The following ZNF385D variants were observed in gnomAD, a reference collection of about 807,000 sequenced individuals.
ZNF385D encodes zinc finger protein 385D.
Under a neutral mutation model 35.8 loss-of-function variants are expected in ZNF385D, and 15 were observed. The observed-to-expected ratio is 0.42, with a 90% confidence interval of 0.28 to 0.64. The LOEUF (loss-of-function observed/expected upper bound fraction) is 0.64. Among genes scored for constraint, ZNF385D ranks in the 30% least tolerant of loss-of-function variants. ZNF385D has a pLI of 0.23. For missense variants in ZNF385D, 474 were observed against 494.6 expected (o/e 0.96, Z 0.39); for synonymous variants, 212 against 186.8 (o/e 1.13, Z -1.10).
intron 1 of ZNF385D, among the ~76,000 whole-genome samples, chr3:21,674,452 T>C (rs978681596): frequency 1.1e-4 from 16 of 152,220 alleles, no homozygotes; most frequent in African/African-American, 3.9e-4. Context: ...CTAATAAAAC[T>C]CACTTTTGGA....
At chr3:21,488,114 T>C (rs954459476) in intron 4 of ZNF385D, among the ~76,000 whole-genome samples, 2 of 151,064 alleles carry the variant, frequency 1.3e-5, no homozygotes, top group Non-Finnish European at 3.0e-5. Flanking sequence ...TTTGGATATA[T>C]TTTTTTTTAA....
intron 2 of ZNF385D, among the ~76,000 whole-genome samples, chr3:22,329,283 A>G (rs1307613584): frequency 6.6e-6 from 1 of 152,068 alleles, no homozygotes; most frequent in East Asian, 1.9e-4. Context: ...TTTCTTGAGT[A>G]ACAATTTGGT....
intron 3 of ZNF385D, among the ~76,000 whole-genome samples, chr3:21,889,057 T>TAC (rs1698701725): frequency 3.3e-5 from 5 of 152,194 alleles, no homozygotes; most frequent in Admixed American, 2.6e-4. Flanking sequence ...TTATGAGATG[T>TAC]ACAGTAAGGA....
At chr3:21,478,895 G>A (rs932708265) in intron 4 of ZNF385D, among the ~76,000 whole-genome samples, 2 of 152,014 alleles carry the variant, frequency 1.3e-5, no homozygotes, top group Admixed American at 1.3e-4. Flanking sequence ...AAATTTGGAG[G>A]AGAAGGGAAT....
chr3:21,630,638 T>C (rs888830757), intron 2 of ZNF385D, among the ~76,000 whole-genome samples: 1 of 152,110 alleles, frequency 6.6e-6, no homozygotes, highest in Non-Finnish European at 1.5e-5. Context: ...ATCTGTAAAA[T>C]AGAAACATGG....
chr3:21,621,865 CTG>C (rs10580512), intron 2 of ZNF385D, among the ~76,000 whole-genome samples: 42,535 of 145,910 alleles, frequency 0.29, 6,165 homozygotes, highest in Non-Finnish European at 0.35. Flanking sequence ...CCTGTTACCA[CTG>C]TGTGTGTGTG....
chr3:22,152,346 CG>C (rs1186140807), intron 3 of ZNF385D, among the ~76,000 whole-genome samples: 4 of 152,096 alleles, frequency 2.6e-5, no homozygotes, highest in Admixed American at 2.0e-4. Flanking sequence ...AGGAAAATGA[CG>C]GTATCTGTAT....
intron 3 of ZNF385D, among the ~76,000 whole-genome samples, chr3:21,830,714 G>C (rs73144847): frequency 0.053 from 8,000 of 152,200 alleles, 725 homozygotes; most frequent in African/African-American, 0.18. Flanking sequence ...AGTGTTCCTT[G>C]TTGTGATTTC....
chr3:22,292,802 T>C (rs759839517), intron 2 of ZNF385D, among the ~76,000 whole-genome samples: 2 of 152,120 alleles, frequency 1.3e-5, no homozygotes, highest in Non-Finnish European at 2.9e-5. Context: ...TATCTACTTA[T>C]ATTACTTTCT....
rs188781213 is a variant in ZNF385D, at chr3:22,283,714, G to A, written c.106+88736C>T. ...GAAGGTGGTTGTGAGAAGAAACTGA[G>A]TTAATAAATGTGTGATGTGCTCAGT... On this transcript the variant is annotated intron_variant, in intron 2 of 5. Transcript: ENST00000494108. Among the ~76,000 whole-genome samples the A allele has an allele frequency of 1.4e-4, 21 of 152,238 alleles. No homozygotes were observed. The East Asian group carries it at 3.3e-3, about 24-fold the overall frequency.
chr3:22,231,047 A>T (rs2125297614), intron 2 of ZNF385D, among the ~76,000 whole-genome samples: 1 of 152,312 alleles, frequency 6.6e-6, no homozygotes, highest in East Asian at 1.9e-4. Flanking sequence ...GAAAATGACA[A>T]AAAACAGCAA....
intron 2 of ZNF385D, among the ~76,000 whole-genome samples, chr3:22,279,568 A>G (rs190646243): frequency 7.1e-6 from 1 of 141,118 alleles, no homozygotes; most frequent in African/African-American, 2.7e-5. Flanking sequence ...ATGTACATAT[A>G]TATGTATATA....
intron 2 of ZNF385D, among the ~76,000 whole-genome samples, chr3:21,650,199 A>G (rs779786761): frequency 5.3e-5 from 8 of 152,206 alleles, no homozygotes; most frequent in Non-Finnish European, 1.0e-4. Flanking sequence ...TATGTAATAA[A>G]ACATTTCCAT....
intron 3 of ZNF385D, among the ~76,000 whole-genome samples, chr3:21,871,662 T>C (rs1369664708): frequency 6.6e-6 from 1 of 152,146 alleles, no homozygotes; most frequent in Non-Finnish European, 1.5e-5. Context: ...TAAGATAGCA[T>C]CCTGAACCAA....
intron 2 of ZNF385D, among the ~76,000 whole-genome samples, chr3:21,647,826 C>T (rs1161726979): frequency 6.6e-6 from 1 of 152,034 alleles, no homozygotes; most frequent in Non-Finnish European, 1.5e-5. Context: ...TCATCTATTA[C>T]CTGTTTTATA....
chr3:22,236,883 A>C (rs1268069176), intron 2 of ZNF385D, among the ~76,000 whole-genome samples: 2 of 152,220 alleles, frequency 1.3e-5, no homozygotes, highest in Admixed American at 1.3e-4. Context: ...TTTATGGTTG[A>C]ATAATATTCT....
chr3:21,437,719 A>AAAAAAAAAAAAC, intron 4 of ZNF385D, among the ~76,000 whole-genome samples: 1 of 149,410 alleles, frequency 6.7e-6, no homozygotes, highest in Admixed American at 6.7e-5. Flanking sequence ...AAAAAAAAAA[A>AAAAAAAAAAAAC]CCGGAACCCT....
chr3:22,103,391 A>G (rs1702043138), intron 3 of ZNF385D, among the ~76,000 whole-genome samples: 1 of 152,112 alleles, frequency 6.6e-6, no homozygotes, highest in African/African-American at 2.4e-5. Context: ...ATAGACCTAC[A>G]AAGTAAACAT....
At chr3:21,699,823 CTTT>C (rs1006362754) in intron 1 of ZNF385D, among the ~76,000 whole-genome samples, 6 of 88,906 alleles carry the variant, frequency 6.7e-5, no homozygotes, top group African/African-American at 9.7e-5. Flanking sequence ...GTTTCTTTTC[CTTT>C]TTTTTTTTTT....
Sources: gnomAD v4.1 joint callset for allele counts (sites outside exome capture counted in the v4.1 genomes callset) on GRCh38, gnomAD v4.1.1 for gene constraint, MANE v1.5 for transcripts, NCBI Gene and HGNC (gene_info 2026-07-23, HGNC 2026-07-21) for gene names.